The following SFXN3 variants were observed in gnomAD, a reference collection of about 807,000 sequenced individuals.
The protein encoded by SFXN3 is sideroflexin-3.
Under a neutral mutation model 40.4 loss-of-function variants are expected in SFXN3, and 31 were observed. The observed-to-expected ratio is 0.77, with a 90% confidence interval of 0.58 to 1.04. SFXN3 has a LOEUF of 1.04. SFXN3 is among the 50% of genes least tolerant of loss of function. The pLI is 0.00. For missense variants in SFXN3, 366 were observed against 408.2 expected, an observed-to-expected ratio of 0.90 and a Z score of 0.89; for synonymous variants, 157 against 160.0, an observed-to-expected ratio of 0.98 and a Z score of 0.14.
chr10:101,032,586 T>C, intron 2 of SFXN3, 104 bp downstream of exon 2: 5 of 1,305,586 alleles, frequency 3.8e-6, no homozygotes, highest in Non-Finnish European at 4.1e-6. Flanking sequence ...TCCTCGGCTC[T>C]GTGGAGGTCC....
At chr10:101,035,832 G>A (rs1367157650) in intron 4 of SFXN3, 165 bp downstream of exon 4, 2 of 1,149,424 alleles carry the variant, frequency 1.7e-6, no homozygotes, top group African/African-American at 1.5e-5. Flanking sequence ...GAGACAGTAG[G>A]TGTGTTTGTA....
rs770709273 is a variant in SFXN3 at position 101,036,829 on chromosome 10, G to A, written c.593+21G>A. ...CAGAGGTGAGTGACCCCGGCTCCTG[G>A]CATGTGCATGCCCAGAATGTAGCAC... On this transcript the variant is annotated intron_variant, in intron 7 of 11. Transcript: ENST00000393459. The surrounding 1 kb of genome is among the most constrained non-coding windows in gnomAD (Gnocchi z 4.2). 4.3e-6 allele frequency: 7 copies of A among 1,611,454 alleles called. No individual in the cohort carries two copies. The South Asian group carries it at 7.7e-5, about 18-fold the overall frequency.
Position 101,039,349 on chromosome 10 carries a change from G to T in SFXN3, c.869+127G>T, listed in dbSNP as rs910380402. On this transcript the variant is annotated intron_variant, in intron 11 of 11. Transcript: ENST00000393459. The surrounding 1 kb of genome is among the most constrained non-coding windows in gnomAD (Gnocchi z 4.6). Reference sequence around the variant, plus strand: ...CAGGCACTCCACTGATTCTGGGAGTGGGGGAATGACAGTGAGCCAGTCCTT... The same window carrying T: ...CAGGCACTCCACTGATTCTGGGAGTTGGGGAATGACAGTGAGCCAGTCCTT... 4 of 1,199,864 alleles carry T rather than the reference G, an allele frequency of 3.3e-6. No homozygotes were observed. The highest frequency in any genetic ancestry group is 4.9e-6 in the Non-Finnish European group (4 of 816,026). The allele number at this position is 1,199,864 out of a possible 1,614,324, so 74.3% of individuals were successfully genotyped here. A position where few individuals can be genotyped will look rare whatever the true frequency, so the allele number is the denominator to read the frequency against.
At position 101,038,321 on chromosome 10, in the gene SFXN3, G is replaced by A. The variant is rs1938718163; in HGVS notation, c.772-322G>A. The A allele has an allele frequency of 3.9e-6, 5 of 1,284,314 alleles. No homozygotes were observed. The East Asian group carries it at 1.4e-4, about 35-fold the overall frequency. The allele number at this position is 1,284,314 out of a possible 1,614,324, so 79.6% of individuals were successfully genotyped here. A position where few individuals can be genotyped will look rare whatever the true frequency, so the allele number is the denominator to read the frequency against. ...CTGGGATGGGAAGAGGTAAGTGGAG[G>A]TTCACAGGAGGTTTCCTGAAGAAAT... is the stretch of plus-strand genomic sequence containing the variant. On this transcript the variant is annotated intron_variant, in intron 9 of 11. Transcript: ENST00000393459.
In SFXN3 at chr10:101,039,935, T is replaced by C. The variant is rs1938818333; in HGVS notation, c.*350T>C. 3.9e-6 allele frequency: 1 copy of C among 256,634 alleles called. No homozygotes were observed. Among genetic ancestry groups the C allele is most frequent in the Non-Finnish European group, 7.7e-6 (1 of 130,640 alleles). The allele number at this position is 256,634 out of a possible 1,614,324, so 15.9% of individuals were successfully genotyped here. ...TTCCCTTCTCAGCCTCATGTCCACC[T>C]GCCTGCCAGCCAGGCTACAGGTGTG... On this transcript the variant is annotated 3_prime_UTR_variant, in exon 12 of 12. Coordinates refer to ENST00000393459, the Ensembl canonical transcript of SFXN3. The surrounding 1 kb of genome is among the most constrained non-coding windows in gnomAD (Gnocchi z 4.6).
chr10:101,038,713 C>T, intron 10 of SFXN3, 21 bp downstream of exon 10: 1 of 1,607,384 alleles, frequency 6.2e-7, no homozygotes. Context: ...AAGGAGTTAG[C>T]TGGGGTGTGT....
chr10:101,032,417 G>A (rs1466049368), exon 2 of SFXN3: 17 of 1,502,564 alleles, frequency 1.1e-5, no homozygotes, highest in Non-Finnish European at 1.3e-5. Context: ...GGCTGGGAGG[G>A]CCCGGCGGCG....
At chr10:101,038,747 T>C (rs536528370) in intron 10 of SFXN3, 55 bp downstream of exon 10, 1 of 1,602,084 alleles carries the variant, frequency 6.2e-7, no homozygotes, top group African/African-American at 1.3e-5. Context: ...CCATGGTGGA[T>C]GTGGGTGGGT....
intron 9 of SFXN3, chr10:101,038,406 T>G: frequency 1.4e-6 from 2 of 1,410,736 alleles, no homozygotes; most frequent in South Asian, 1.6e-5. Flanking sequence ...TGGCAACCAA[T>G]TCTGAGAGGT....
At position 101,036,470 on chromosome 10, in the gene SFXN3, G is replaced by A. The variant is rs2134204397; in HGVS notation, c.432-16G>A. The A allele has an allele frequency of 6.2e-7, 1 of 1,613,976 alleles. No individual in the cohort carries two copies. Among genetic ancestry groups the A allele is most frequent in the East Asian group, 2.2e-5 (1 of 44,868 alleles). ...ACTTGTCACCTCTCCCCGTGACCTG[G>A]CTTTTCCACCCACAGGCAGCTGGGG... On this transcript the variant is annotated splice_polypyrimidine_tract_variant and intron_variant, in intron 5 of 11. Coordinates refer to ENST00000393459, the Ensembl canonical transcript of SFXN3. The surrounding 1 kb of genome is among the most constrained non-coding windows in gnomAD (Gnocchi z 4.2).
chr10:101,036,175 T>A lies in SFXN3; in HGVS notation c.431+74T>A, dbSNP rs545177819. The stretch of plus-strand genomic sequence containing the variant: ...CCTCCCAGCCTGCAGTGCCCTCTCC[T>A]TTCTCTCCGGTTCCCTGTGGACCAT... On this transcript the variant is annotated intron_variant, in intron 5 of 11. Coordinates refer to ENST00000393459, the Ensembl canonical transcript of SFXN3. The surrounding 1 kb of genome is among the most constrained non-coding windows in gnomAD (Gnocchi z 4.2). The A allele has an allele frequency of 7.9e-7, 1 of 1,271,590 alleles. No individual in the cohort carries two copies. The highest frequency in any genetic ancestry group is 2.3e-5 in the East Asian group (1 of 43,026). 78.8% of individuals were successfully genotyped at this position (1,271,590 alleles called of 1,614,324 possible).
chr10:101,036,731 C>G lies in SFXN3; in HGVS notation c.516C>G (p.Pro172=), dbSNP rs1381008845. 1.2e-6 allele frequency: 2 copies of G among 1,610,726 alleles called. No homozygotes were observed. The highest frequency in any genetic ancestry group is 1.7e-6 in the Non-Finnish European group (2 of 1,177,256). ...ACACCCTTCCTCCCCAGCACCTGCC[C>G]CCCTTGGTCGGCAGATTTGTGCCCT... Residue 172 remains proline, a synonymous_variant, in exon 7 of 12, where the codon CCC becomes CCG. Transcript: ENST00000393459. The surrounding 1 kb of genome is among the most constrained non-coding windows in gnomAD (Gnocchi z 4.2).
Position 101,036,394 on chromosome 10 carries a change from C to A in SFXN3, c.432-92C>A, listed in dbSNP as rs1319383681. 1.1e-5 allele frequency: 13 copies of A among 1,232,732 alleles called. No homozygotes were observed. Among genetic ancestry groups the A allele is most frequent in the Non-Finnish European group, 1.5e-5 (13 of 846,538 alleles). 76.4% of individuals were successfully genotyped at this position (1,232,732 alleles called of 1,614,324 possible). A position where few individuals can be genotyped will look rare whatever the true frequency, so the allele number is the denominator to read the frequency against. On this transcript the variant is annotated intron_variant, in intron 5 of 11. Transcript: ENST00000393459. The surrounding 1 kb of genome is among the most constrained non-coding windows in gnomAD (Gnocchi z 4.2). ...CTGCAAGGAGCTTCCCCTTTTATGC[C>A]TCATGTATTGAGGACTTGGCATATC...
At chr10:101,037,342 A>C (rs1938667874) in intron 8 of SFXN3, 40 bp from the exon 9 acceptor site, 8 of 1,613,968 alleles carry the variant, frequency 5.0e-6, no homozygotes, top group Non-Finnish European at 5.9e-6. Context: ...CTTTAACTCC[A>C]CTACTAATGT....
At position 101,036,527 on chromosome 10, in the gene SFXN3, T is replaced by C; in HGVS notation, c.473T>C (p.Val158Ala). Residue 158 changes from valine to alanine, a missense_variant, in exon 6 of 12, where the codon GTG (valine) becomes GCG (alanine). Physicochemically the swap from Val to Ala is moderately conservative, Grantham distance 64 (BLOSUM62 0). Transcript: ENST00000393459. This position sits in a 1 kb window ranked among gnomAD's most constrained non-coding sequence, Gnocchi z 4.2. The stretch of plus-strand genomic sequence containing the variant: ...TATGTGAGTGCCACCACTGGAGCTG[T>C]GGCCACGGCCCTGGGACTCAAATCC... The C allele has an allele frequency of 6.2e-7, 1 of 1,614,154 alleles. No homozygotes were observed. Among genetic ancestry groups the C allele is most frequent in the Non-Finnish European group, 8.5e-7 (1 of 1,180,000 alleles).
At position 101,039,006 on chromosome 10, in the gene SFXN3, CT is replaced by C. The variant is rs1403553890; in HGVS notation, c.822-166del. On this transcript the variant is annotated intron_variant, in intron 10 of 11. Transcript: ENST00000393459. The surrounding 1 kb of genome is among the most constrained non-coding windows in gnomAD (Gnocchi z 4.6). ...TGCCACTTACTGGTTGTGGGGCTCT[CT>C]TTCCTCAGAACCTGATGTCCAGGTT... Among the ~76,000 whole-genome samples the C allele has an allele frequency of 6.6e-6, 1 of 152,086 alleles. No homozygotes were observed. The highest frequency in any genetic ancestry group is 1.5e-5 in the Non-Finnish European group (1 of 67,992).
Position 101,039,256 on chromosome 10 carries a change from T to C in SFXN3, c.869+34T>C. ...TGTCCCTGGGCTGGGTGGGGGACTC[T>C]GGATTGGACTCTGCATCTCTGGACC... On this transcript the variant is annotated intron_variant, in intron 11 of 11. Coordinates refer to ENST00000393459, the Ensembl canonical transcript of SFXN3. The surrounding 1 kb of genome is among the most constrained non-coding windows in gnomAD (Gnocchi z 4.6). The C allele has an allele frequency of 1.3e-6, 2 of 1,572,830 alleles. No individual in the cohort carries two copies. Among genetic ancestry groups the C allele is most frequent in the Non-Finnish European group, 1.7e-6 (2 of 1,154,776 alleles).
At chr10:101,032,784 G>T (rs1938362818) in intron 2 of SFXN3, among the ~76,000 whole-genome samples, 1 of 152,222 alleles carries the variant, frequency 6.6e-6, no homozygotes, top group East Asian at 1.9e-4. Context: ...GTCTTTGTGT[G>T]TGGGTATGTG....
In SFXN3 at chr10:101,032,476, G is replaced by A. The variant is rs1394234073; in HGVS notation, c.-10G>A. 1.9e-6 allele frequency: 3 copies of A among 1,550,366 alleles called. No individual in the cohort carries two copies. Among genetic ancestry groups the A allele is most frequent in the Non-Finnish European group, 2.6e-6 (3 of 1,148,750 alleles). On this transcript the variant is annotated 5_prime_UTR_variant, in exon 2 of 12. The change abolishes an upstream ATG in the 5' untranslated region. Coordinates refer to ENST00000393459, the Ensembl canonical transcript of SFXN3. ...GGTTCTGAGAGCTTCAGAGAGCGAT[G>A]GAAAGCGTAAGTGCTCGCTCTCCCC...
Sources: allele counts gnomAD v4.1 joint callset (sites outside exome capture counted in the v4.1 genomes callset), GRCh38; gene constraint gnomAD v4.1.1; non-coding constraint Gnocchi (gnomAD v3.1); transcripts MANE v1.5; gene names NCBI Gene and HGNC (gene_info 2026-07-23, HGNC 2026-07-21).